COL24A1: variants seen among roughly 807,000 people sequenced by gnomAD.
COL24A1 encodes the protein collagen alpha-1(XXIV) chain.
In COL24A1, 224 loss-of-function variants were observed where a neutral mutation model predicts 253.9. That is an observed-to-expected ratio of 0.88 (90% CI 0.79 to 0.99). The LOEUF is 0.99. COL24A1 is among the 50% of genes least tolerant of loss of function. The probability of loss-of-function intolerance (pLI) is 0.00; values close to 1 mark genes in which losing one functional copy is unlikely to be tolerated. For missense variants in COL24A1, 2,131 were observed against 2,068.5 expected (o/e 1.03, Z -0.59); for synonymous variants, 685 against 673.7 (o/e 1.02, Z -0.26).
At chr1:85,783,084 C>A (rs1302471218) in intron 51 of COL24A1, among the ~76,000 whole-genome samples, 1 of 152,130 alleles carries the variant, frequency 6.6e-6, no homozygotes, top group African/African-American at 2.4e-5. Context: ...TGGGAAAACA[C>A]AGCTATTGGG....
At chr1:85,943,632 T>G (rs752683942) in intron 24 of COL24A1, among the ~76,000 whole-genome samples, 30 of 152,354 alleles carry the variant, frequency 2.0e-4, no homozygotes, top group Non-Finnish European at 4.4e-4. Context: ...ATCACTTAAT[T>G]GCAACAGTTG....
At position 86,078,670 on chromosome 1, in the gene COL24A1, T is replaced by C. The variant is rs149736458; in HGVS notation, c.1707+10504A>G. 9.3e-3 allele frequency among the ~76,000 whole-genome samples: 1,415 copies of C among 152,186 alleles called. 10 individuals carry two copies. The highest frequency in any genetic ancestry group is 0.017 in the Middle Eastern group (5 of 294). ...CAGTAGGATTTCAATATGCCAATAA[T>C]GAACAATTGGAAAAAGAAATTTAAA... On this transcript the variant is annotated intron_variant, in intron 7 of 59. Coordinates refer to ENST00000370571, the MANE Select transcript of COL24A1 (RefSeq NM_152890.7).
At chr1:85,984,325 G>T (rs1385735242) in intron 20 of COL24A1, among the ~76,000 whole-genome samples, 1 of 151,752 alleles carries the variant, frequency 6.6e-6, no homozygotes, top group Admixed American at 6.6e-5. Context: ...TTACCCAGGA[G>T]AGAATCTATT....
chr1:85,847,000 A>C (rs1168132070), intron 39 of COL24A1, among the ~76,000 whole-genome samples: 2 of 152,136 alleles, frequency 1.3e-5, no homozygotes, highest in East Asian at 3.8e-4. Context: ...GGAAATACGC[A>C]TGCATTTTGT....
chr1:85,735,080 G>A, intron 58 of COL24A1, 116 bp from the exon 59 acceptor site: 1 of 848,660 alleles, frequency 1.2e-6, no homozygotes, highest in South Asian at 1.7e-5. Context: ...CCTTTCCTTG[G>A]AACTGAAGTG....
At position 85,857,548 on chromosome 1, in the gene COL24A1, C is replaced by T. The variant is rs76797553; in HGVS notation, c.3301-8142G>A. 1.3e-3 allele frequency among the ~76,000 whole-genome samples: 193 copies of T among 151,776 alleles called. 1 individual carries two copies. In the East Asian group the frequency reaches 0.033, roughly 26 times the overall value. On this transcript the variant is annotated intron_variant, in intron 37 of 59. Transcript: ENST00000370571. Reference sequence around the variant, plus strand: ...CATCAGCAGAAACCATCAGGGTAGGCGGTGAGGGAAGATTACCCTGTCCCA... The same window carrying T: ...CATCAGCAGAAACCATCAGGGTAGGTGGTGAGGGAAGATTACCCTGTCCCA...
At chr1:86,140,409 C>G (rs745757857) in intron 2 of COL24A1, among the ~76,000 whole-genome samples, 2 of 152,158 alleles carry the variant, frequency 1.3e-5, no homozygotes, top group Admixed American at 6.5e-5. Context: ...GAGATAAATG[C>G]TAATTTATTT....
chr1:85,827,515 T>A (rs2102043217), intron 43 of COL24A1, among the ~76,000 whole-genome samples: 2 of 152,110 alleles, frequency 1.3e-5, no homozygotes, highest in East Asian at 3.9e-4. Context: ...CATTTCCTCC[T>A]TGTACCTCTG....
intron 19 of COL24A1, among the ~76,000 whole-genome samples, chr1:85,997,065 A>G (rs867533672): frequency 0.16 from 15,180 of 95,450 alleles, 2,095 homozygotes; most frequent in East Asian, 0.47. Flanking sequence ...GTATATATAT[A>G]TATATATATA....
At chr1:85,768,997 T>A (rs58516396) in intron 53 of COL24A1, among the ~76,000 whole-genome samples, 137,397 of 152,172 alleles carry the variant, frequency 0.9, 62,589 homozygotes, top group Non-Finnish European at 0.96. Context: ...GAGCACAGAA[T>A]TCAATAAATT....
At chr1:85,812,125 T>C (rs1672612819) in intron 47 of COL24A1, among the ~76,000 whole-genome samples, 1 of 152,238 alleles carries the variant, frequency 6.6e-6, no homozygotes, top group Non-Finnish European at 1.5e-5. Flanking sequence ...TTGCCCATTA[T>C]GAACTCGGTA....
chr1:85,757,611 A>G (rs974839530), intron 55 of COL24A1, among the ~76,000 whole-genome samples: 1 of 152,196 alleles, frequency 6.6e-6, no homozygotes, highest in Non-Finnish European at 1.5e-5. Flanking sequence ...AAGAAATTTC[A>G]TAACACTTGG....
intron 51 of COL24A1, among the ~76,000 whole-genome samples, chr1:85,781,879 G>A (rs1316220113): frequency 2.0e-5 from 3 of 152,070 alleles, no homozygotes; most frequent in Non-Finnish European, 4.4e-5. Context: ...CTGGATTTCT[G>A]GTCAATTCCT....
chr1:86,127,580 G>T (rs1648508135), intron 2 of COL24A1, among the ~76,000 whole-genome samples: 1 of 151,938 alleles, frequency 6.6e-6, no homozygotes, highest in Non-Finnish European at 1.5e-5. Flanking sequence ...TCAGCTGCAT[G>T]ATCTTTATTA....
chr1:85,916,132 G>T (rs1236649358), intron 24 of COL24A1, among the ~76,000 whole-genome samples: 1 of 152,132 alleles, frequency 6.6e-6, no homozygotes, highest in Non-Finnish European at 1.5e-5. Context: ...ATTAGCTTCA[G>T]ATGACCTAGC....
intron 19 of COL24A1, among the ~76,000 whole-genome samples, chr1:85,994,063 T>C (rs936270178): frequency 3.3e-5 from 5 of 152,052 alleles, no homozygotes; most frequent in African/African-American, 9.7e-5. Flanking sequence ...ATTTCAATTA[T>C]TGATTTAATA....
At chr1:85,933,504 G>T (rs534514887) in intron 24 of COL24A1, among the ~76,000 whole-genome samples, 3 of 152,102 alleles carry the variant, frequency 2.0e-5, no homozygotes, top group Non-Finnish European at 4.4e-5. Context: ...CTTCTAGATA[G>T]CTTTCCTACA....
intron 24 of COL24A1, among the ~76,000 whole-genome samples, chr1:85,938,353 G>C (rs1412755813): frequency 1.4e-5 from 2 of 146,696 alleles, no homozygotes; most frequent in Non-Finnish European, 3.0e-5. Context: ...AAGTGACACA[G>C]TGAGAGTCTC....
At chr1:85,927,139 C>A (rs886488303) in intron 24 of COL24A1, among the ~76,000 whole-genome samples, 1 of 152,094 alleles carries the variant, frequency 6.6e-6, no homozygotes, top group African/African-American at 2.4e-5. Flanking sequence ...ACGCAGAAGA[C>A]GGGTGATTTC....
Sources: allele counts gnomAD v4.1 joint callset (sites outside exome capture counted in the v4.1 genomes callset), GRCh38; gene constraint gnomAD v4.1.1; transcripts MANE v1.5; gene names NCBI Gene and HGNC (gene_info 2026-07-23, HGNC 2026-07-21).